The following TBCD variants were observed in gnomAD, a reference collection of about 807,000 sequenced individuals.
The protein encoded by TBCD is tubulin-specific chaperone D.
A neutral mutation model predicts 169.3 loss-of-function variants in TBCD; 105 were observed. The ratio of observed to expected loss-of-function variants is 0.62; its 90% confidence interval spans 0.53 to 0.73. TBCD has a LOEUF of 0.73. Among genes scored for constraint, TBCD ranks in the 30% least tolerant of loss-of-function variants. The pLI is 0.00. For missense variants in TBCD, 1,444 were observed against 1,600.1 expected, an observed-to-expected ratio of 0.90 and a Z score of 1.66; for synonymous variants, 700 against 643.9, an observed-to-expected ratio of 1.09 and a Z score of -1.32.
chr17:82,794,515 T>G (rs1373840846), intron 7 of TBCD, among the ~76,000 whole-genome samples: 1 of 152,226 alleles, frequency 6.6e-6, no homozygotes, highest in East Asian at 1.9e-4. Context: ...CCCATTATGC[T>G]TCCATGAAAG....
At chr17:82,823,359 T>G (rs2093113829) in intron 13 of TBCD, among the ~76,000 whole-genome samples, 1 of 152,226 alleles carries the variant, frequency 6.6e-6, no homozygotes. Context: ...CCCCGCCTGT[T>G]TTTGTTGGCT....
chr17:82,940,337 G>A (rs1716967431), intron 37 of TBCD, among the ~76,000 whole-genome samples: 1 of 152,204 alleles, frequency 6.6e-6, no homozygotes, highest in African/African-American at 2.4e-5. Flanking sequence ...GCATACCCGG[G>A]GTGGTGGAGT....
rs8068903 is a variant in TBCD at position 82,846,262 on chromosome 17, T to A, written c.1319-23962T>A. ...GCTGCCCCCTCCACGCGCTGCGTCC[T>A]CTGTGCTGTGTCCTCTTGTCCAGCC... On this transcript the variant is annotated intron_variant, in intron 13 of 38. Transcript: ENST00000355528. Among the ~76,000 whole-genome samples, 322 of 74,026 alleles carry A rather than the reference T, an allele frequency of 4.3e-3. 2 individuals are homozygous for A. Among genetic ancestry groups the A allele is most frequent in the African/African-American group, 0.013 (306 of 22,700 alleles). The allele number at this position is 74,026 out of a possible 152,430, so 48.6% of individuals were successfully genotyped here.
At chr17:82,859,547 G>A (rs2056594791) in intron 13 of TBCD, 1 of 985,446 alleles carries the variant, frequency 1.0e-6, no homozygotes, top group Admixed American at 6.1e-5. Context: ...AGACACACAA[G>A]CTGTGACTTC....
chr17:82,908,375 G>A (rs1359465388), intron 21 of TBCD: 2 of 456,510 alleles, frequency 4.4e-6, no homozygotes, highest in East Asian at 1.4e-4. Context: ...GATTTCTCTG[G>A]GGAGACAGTG....
intron 6 of TBCD, among the ~76,000 whole-genome samples, chr17:82,775,658 G>A (rs1479572675): frequency 6.8e-6 from 1 of 148,134 alleles, no homozygotes; most frequent in Non-Finnish European, 1.5e-5. Flanking sequence ...GGTGCTTGGT[G>A]TTACAGTGTT....
chr17:82,837,106 G>T (rs1020018780), intron 13 of TBCD, among the ~76,000 whole-genome samples: 3 of 152,226 alleles, frequency 2.0e-5, no homozygotes, highest in African/African-American at 7.2e-5. Flanking sequence ...TAGGTCACCT[G>T]ATCTGTAAAA....
chr17:82,889,809 T>C lies in TBCD; in HGVS notation c.1563+112T>C. The C allele has an allele frequency of 3.2e-6, 4 of 1,238,258 alleles. No homozygotes were observed. The highest frequency in any genetic ancestry group is 1.4e-5 in the South Asian group (1 of 72,870). 76.7% of individuals were successfully genotyped at this position (1,238,258 alleles called of 1,614,324 possible). A position where few individuals can be genotyped will look rare whatever the true frequency, so the allele number is the denominator to read the frequency against. ...CTCGCACTGTGAGATGTGGTGTGGC[T>C]ACATCAATGCCAGGGTCATGAGTTC... On this transcript the variant is annotated intron_variant, in intron 16 of 38. Coordinates refer to ENST00000355528, the MANE Select transcript of TBCD (RefSeq NM_005993.5). This position sits in a 1 kb window ranked among gnomAD's most constrained non-coding sequence, Gnocchi z 5.3.
At chr17:82,910,460 T>G (rs2060551762) in intron 22 of TBCD, among the ~76,000 whole-genome samples, 1 of 152,258 alleles carries the variant, frequency 6.6e-6, no homozygotes, top group Non-Finnish European at 1.5e-5. Flanking sequence ...ATCGTCTGTC[T>G]TATTGAGCTG....
At chr17:82,926,249 A>T (rs2004708) in intron 27 of TBCD, 151 bp from the exon 28 acceptor site, 1 of 672,382 alleles carries the variant, frequency 1.5e-6, no homozygotes, top group East Asian at 2.8e-5. Flanking sequence ...GGGTTGTACC[A>T]GGGGCCATGG....
At chr17:82,942,172 A>G in intron 38 of TBCD, 1 of 550,458 alleles carries the variant, frequency 1.8e-6, no homozygotes, top group Admixed American at 3.5e-5. Flanking sequence ...TTACATTTTT[A>G]TTAGGAAAAA....
chr17:82,757,297 G>A (rs1449437644), intron 2 of TBCD, among the ~76,000 whole-genome samples: 1 of 152,182 alleles, frequency 6.6e-6, no homozygotes. Context: ...AGTTTGTGCT[G>A]TGCATCTTGT....
At chr17:82,870,132 C>T in intron 13 of TBCD, 92 bp from the exon 14 acceptor site, 2 of 1,561,150 alleles carry the variant, frequency 1.3e-6, no homozygotes, top group Middle Eastern at 1.7e-4. Context: ...GGCACCGTGA[C>T]CGCGCTCCGG....
chr17:82,800,589 G>A (rs1052732439), intron 8 of TBCD, among the ~76,000 whole-genome samples: 1 of 152,094 alleles, frequency 6.6e-6, no homozygotes, highest in Non-Finnish European at 1.5e-5. Context: ...GCCTGTGGTC[G>A]GTTGGGCCTT....
chr17:82,838,192 G>A (rs2054147155), intron 13 of TBCD, among the ~76,000 whole-genome samples: 2 of 152,158 alleles, frequency 1.3e-5, no homozygotes, highest in Admixed American at 1.3e-4. Flanking sequence ...TGTCTAAATT[G>A]CCAATATACT....
intron 12 of TBCD, among the ~76,000 whole-genome samples, chr17:82,811,475 G>A (rs1361430190): frequency 1.3e-5 from 2 of 152,006 alleles, no homozygotes; most frequent in Non-Finnish European, 2.9e-5. Flanking sequence ...TTCCATTTTT[G>A]TAGCTAGGTT....
At chr17:82,824,886 G>A (rs1354862406) in intron 13 of TBCD, among the ~76,000 whole-genome samples, 1 of 152,074 alleles carries the variant, frequency 6.6e-6, no homozygotes, top group African/African-American at 2.4e-5. Context: ...CGAGTGTTTA[G>A]TTCTTAAGTC....
At chr17:82,927,348 G>T in intron 29 of TBCD, 25 bp downstream of exon 29, 1 of 1,607,430 alleles carries the variant, frequency 6.2e-7, no homozygotes, top group East Asian at 2.2e-5. Flanking sequence ...GTGGGTGAGC[G>T]CTTCTTCTGA....
At chr17:82,940,584 C>T (rs2063107465) in intron 37 of TBCD, among the ~76,000 whole-genome samples, 2 of 152,186 alleles carry the variant, frequency 1.3e-5, no homozygotes, top group South Asian at 2.1e-4. Context: ...CAGAGGTGGC[C>T]TCTCCAGGGC....
Sources: gnomAD v4.1 joint callset for allele counts (sites outside exome capture counted in the v4.1 genomes callset) on GRCh38, gnomAD v4.1.1 for gene constraint, Gnocchi (gnomAD v3.1) non-coding constraint, MANE v1.5 for transcripts, NCBI Gene and HGNC (gene_info 2026-07-23, HGNC 2026-07-21) for gene names.